Variants in PARD3B observed in about 807,000 individuals in gnomAD.
The protein encoded by PARD3B is par-3 family cell polarity regulator beta, also known as partitioning defective 3 homolog B.
PARD3B carries 103 observed loss-of-function variants against 130.2 expected under a neutral mutation model. The observed-to-expected ratio is 0.79, with a 90% CI of 0.67 to 0.93. The LOEUF is 0.93. Ranked by LOEUF, PARD3B falls within the 40% of genes least tolerant of loss-of-function variation. The pLI, the probability that PARD3B is intolerant of heterozygous loss-of-function variation, is 0.00. For missense variants in PARD3B, 1,609 were observed against 1,499.2 expected (o/e 1.07, Z -1.21); for synonymous variants, 583 against 553.2 (o/e 1.05, Z -0.76).
intron 22 of PARD3B, among the ~76,000 whole-genome samples, chr2:205,606,663 C>T (rs1315601618): frequency 6.6e-6 from 1 of 152,224 alleles, no homozygotes; most frequent in Non-Finnish European, 1.5e-5. Context: ...CAACCTTCTG[C>T]TTCTTACTTG....
At chr2:205,346,790 G>A (rs1055372706) in intron 18 of PARD3B, among the ~76,000 whole-genome samples, 3 of 152,142 alleles carry the variant, frequency 2.0e-5, no homozygotes, top group Admixed American at 6.5e-5. Flanking sequence ...TCTCCACACA[G>A]TCAGGGCCTG....
intron 12 of PARD3B, among the ~76,000 whole-genome samples, chr2:205,175,346 C>T (rs1348482196): frequency 6.6e-6 from 1 of 152,126 alleles, no homozygotes; most frequent in Non-Finnish European, 1.5e-5. Flanking sequence ...ACTAGCAGTT[C>T]AGAAGAAAGG....
intron 2 of PARD3B, among the ~76,000 whole-genome samples, chr2:204,884,951 G>A (rs950016510): frequency 2.0e-5 from 3 of 152,148 alleles, no homozygotes; most frequent in African/African-American, 4.8e-5. Context: ...AAATGCATGT[G>A]TCTTTATAAC....
At chr2:205,356,581 G>T (rs2044199789) in intron 18 of PARD3B, among the ~76,000 whole-genome samples, 1 of 152,008 alleles carries the variant, frequency 6.6e-6, no homozygotes. Flanking sequence ...AAGCTCTGCT[G>T]AGCGTACATA....
At chr2:205,023,456 T>A (rs1446052541) in intron 3 of PARD3B, among the ~76,000 whole-genome samples, 2 of 148,384 alleles carry the variant, frequency 1.3e-5, no homozygotes, top group Non-Finnish European at 3.0e-5. Context: ...CCACACCTTT[T>A]TTTTTTTTTT....
intron 15 of PARD3B, among the ~76,000 whole-genome samples, chr2:205,223,926 A>G (rs932057212): frequency 1.1e-4 from 16 of 152,138 alleles, no homozygotes; most frequent in Non-Finnish European, 1.9e-4. Context: ...TTGTATTACA[A>G]ACAATCCAAT....
chr2:205,401,185 A>G (rs924946547), intron 19 of PARD3B, 62 bp downstream of exon 19: 2 of 1,280,870 alleles, frequency 1.6e-6, no homozygotes, highest in African/African-American at 3.0e-5. Flanking sequence ...TAATTTAGAT[A>G]TTGCAACAGT....
intron 18 of PARD3B, among the ~76,000 whole-genome samples, chr2:205,384,382 A>G (rs954537031): frequency 2.0e-5 from 3 of 152,122 alleles, no homozygotes; most frequent in African/African-American, 7.2e-5. Flanking sequence ...GGTAATCTAC[A>G]TAGGAGATAA....
rs369139099 is a variant in PARD3B at position 205,550,951 on chromosome 2, ATG to A, written c.3181-2369_3181-2368del. On this transcript the variant is annotated intron_variant, in intron 21 of 22. Coordinates refer to ENST00000406610, the MANE Select transcript of PARD3B (RefSeq NM_001302769.2). The surrounding 1 kb of genome is among the most constrained non-coding windows in gnomAD (Gnocchi z 4.5). ...TGTGTGTGTGTGTGTGTATATATAT[ATG>A]TGTATATATATATATATATATATAC... 7.7e-5 allele frequency among the ~76,000 whole-genome samples: 6 copies of A among 77,568 alleles called. No individual in the cohort carries two copies. The highest frequency in any genetic ancestry group is 3.1e-4 in the East Asian group (1 of 3,184). 50.9% of individuals were successfully genotyped at this position (77,568 alleles called of 152,430 possible).
At chr2:205,028,862 C>T (rs186229216) in intron 3 of PARD3B, among the ~76,000 whole-genome samples, 314 of 152,236 alleles carry the variant, frequency 2.1e-3, no homozygotes, top group Admixed American at 3.9e-3. Context: ...GTACAAAAGT[C>T]AGTTGTGTTT....
At chr2:205,215,005 A>G (rs776462105) in intron 15 of PARD3B, among the ~76,000 whole-genome samples, 4 of 152,188 alleles carry the variant, frequency 2.6e-5, no homozygotes, top group East Asian at 3.9e-4. Flanking sequence ...AACTGATGAT[A>G]TGCTTCGTCA....
At chr2:204,776,260 G>C (rs1388078215) in intron 2 of PARD3B, among the ~76,000 whole-genome samples, 1 of 152,182 alleles carries the variant, frequency 6.6e-6, no homozygotes, top group Admixed American at 6.6e-5. Context: ...TAATGTGAGT[G>C]AGTTACAAGG....
chr2:205,361,784 C>T (rs1319408516), intron 18 of PARD3B, among the ~76,000 whole-genome samples: 1 of 152,116 alleles, frequency 6.6e-6, no homozygotes, highest in Non-Finnish European at 1.5e-5. Flanking sequence ...TTTTATCTGG[C>T]TACGTTTTAC....
chr2:205,201,083 G>A (rs529328420), intron 15 of PARD3B, among the ~76,000 whole-genome samples: 2 of 152,218 alleles, frequency 1.3e-5, no homozygotes, highest in African/African-American at 4.8e-5. Context: ...TACAAAGACA[G>A]TATAGAATGC....
intron 3 of PARD3B, among the ~76,000 whole-genome samples, chr2:204,992,578 T>A (rs1051349810): frequency 7.5e-5 from 10 of 133,612 alleles, no homozygotes; most frequent in Non-Finnish European, 1.6e-4. Flanking sequence ...TTTGGTTCCA[T>A]ATGAACTTTA....
chr2:204,894,296 T>C (rs979073188), intron 2 of PARD3B, among the ~76,000 whole-genome samples: 1 of 152,148 alleles, frequency 6.6e-6, no homozygotes, highest in Non-Finnish European at 1.5e-5. Flanking sequence ...CAAGGCTGTA[T>C]GTTATACAGA....
intron 2 of PARD3B, among the ~76,000 whole-genome samples, chr2:204,708,202 G>A (rs1559076568): frequency 6.6e-6 from 1 of 152,058 alleles, no homozygotes; most frequent in Non-Finnish European, 1.5e-5. Context: ...TAGAGACAGA[G>A]TCTCACCATG....
chr2:204,920,294 G>A (rs1221318475), intron 2 of PARD3B, among the ~76,000 whole-genome samples: 1 of 152,132 alleles, frequency 6.6e-6, no homozygotes, highest in Non-Finnish European at 1.5e-5. Context: ...GTAGAGAGAG[G>A]CTCTGCATGT....
chr2:205,424,658 T>TA (rs2047082096), intron 19 of PARD3B, among the ~76,000 whole-genome samples: 1 of 152,156 alleles, frequency 6.6e-6, no homozygotes, highest in African/African-American at 2.4e-5. Context: ...GAAATGTAGT[T>TA]AGTTTCCTTT....
Sources: allele counts gnomAD v4.1 joint callset (sites outside exome capture counted in the v4.1 genomes callset), GRCh38; gene constraint gnomAD v4.1.1; non-coding constraint Gnocchi (gnomAD v3.1); transcripts MANE v1.5; gene names NCBI Gene and HGNC (gene_info 2026-07-23, HGNC 2026-07-21).